The following RPS6KA5 variants were observed in gnomAD, a reference collection of about 807,000 sequenced individuals.
RPS6KA5 encodes the protein ribosomal protein S6 kinase alpha-5.
In RPS6KA5, 27 loss-of-function variants were observed where a neutral mutation model predicts 85.5. The ratio of observed to expected loss-of-function variants is 0.32; its 90% CI spans 0.23 to 0.44. RPS6KA5 has a LOEUF of 0.44. Ranked by LOEUF, RPS6KA5 falls within the 20% of genes least tolerant of loss-of-function variation. The pLI, the probability that RPS6KA5 is intolerant of heterozygous loss-of-function variation, is 1.00. For synonymous variants in RPS6KA5, 334 were observed against 348.2 expected, an observed-to-expected ratio of 0.96 and a Z score of 0.46; for missense variants, 811 against 980.9, an observed-to-expected ratio of 0.83 and a Z score of 2.31.
chr14:91,000,702 T>C (rs770277487), intron 2 of RPS6KA5, among the ~76,000 whole-genome samples: 1 of 152,092 alleles, frequency 6.6e-6, no homozygotes, highest in African/African-American at 2.4e-5. Flanking sequence ...CTCAGGAGGC[T>C]GAGGCAGGAG....
intron 3 of RPS6KA5, among the ~76,000 whole-genome samples, chr14:90,962,617 C>T (rs571678145): frequency 4.6e-5 from 7 of 150,914 alleles, no homozygotes; most frequent in African/African-American, 1.7e-4. Context: ...GATAGGGTCT[C>T]GCTCTGTTGC....
At chr14:91,043,153 T>C (rs1314688608) in intron 1 of RPS6KA5, among the ~76,000 whole-genome samples, 1 of 152,132 alleles carries the variant, frequency 6.6e-6, no homozygotes, top group African/African-American at 2.4e-5. Context: ...CACCACAACT[T>C]TCCTAGGTTT....
rs2033026045 is a variant in RPS6KA5, at chr14:90,870,447, G to C, written c.*1627C>G. The C allele has an allele frequency of 6.6e-6, 1 of 152,000 alleles. No homozygotes were observed. The highest frequency in any genetic ancestry group is 1.5e-5 in the Non-Finnish European group (1 of 67,976). The allele number at this position is 152,000 out of a possible 1,614,324, so 9.4% of individuals were successfully genotyped here. On this transcript the variant is annotated 3_prime_UTR_variant, in exon 17 of 17. Coordinates refer to ENST00000614987, the MANE Select transcript of RPS6KA5 (RefSeq NM_004755.4). ...ACCACTGTGGACAAAATGTGAACAG[G>C]ATAATATAATATTTTGAAAATATTT... is the stretch of plus-strand genomic sequence containing the variant.
chr14:91,014,370 C>T (rs892858624), intron 1 of RPS6KA5, among the ~76,000 whole-genome samples: 1 of 151,578 alleles, frequency 6.6e-6, no homozygotes, highest in Non-Finnish European at 1.5e-5. Flanking sequence ...GGCATGGTGG[C>T]GTGCACCTGT....
In RPS6KA5 at chr14:90,872,047, T is replaced by A. The variant is rs374026125; in HGVS notation, c.*27A>T. ...ATATGCTGAGGGAATAAAGGTGCAA[T>A]GGATCACTGATACACTCCTACCATG... On this transcript the variant is annotated 3_prime_UTR_variant, in exon 17 of 17. Coordinates refer to ENST00000614987, the MANE Select transcript of RPS6KA5 (RefSeq NM_004755.4). 6.3e-7 allele frequency: 1 copy of A among 1,592,814 alleles called. No homozygotes were observed. Among genetic ancestry groups the A allele is most frequent in the Non-Finnish European group, 8.5e-7 (1 of 1,171,562 alleles).
chr14:90,976,611 A>G (rs2039581653), intron 3 of RPS6KA5, among the ~76,000 whole-genome samples: 1 of 152,182 alleles, frequency 6.6e-6, no homozygotes, highest in Non-Finnish European at 1.5e-5. Flanking sequence ...CTTGTTGTTC[A>G]TGTGGGTAGA....
intron 5 of RPS6KA5, among the ~76,000 whole-genome samples, chr14:90,939,529 G>A (rs2037458280): frequency 6.6e-6 from 1 of 152,190 alleles, no homozygotes; most frequent in Non-Finnish European, 1.5e-5. Context: ...GAGGTTTAAT[G>A]GACTTACAGT....
At chr14:91,039,180 G>C (rs998995570) in intron 1 of RPS6KA5, among the ~76,000 whole-genome samples, 4 of 152,088 alleles carry the variant, frequency 2.6e-5, no homozygotes, top group Admixed American at 2.6e-4. Flanking sequence ...TATTAACTGT[G>C]CTGTGATGCA....
At chr14:91,049,302 G>A (rs1487491814) in intron 1 of RPS6KA5, among the ~76,000 whole-genome samples, 1 of 152,174 alleles carries the variant, frequency 6.6e-6, no homozygotes, top group African/African-American at 2.4e-5. Flanking sequence ...TCTTCTCAAA[G>A]TGAGGAAAAT....
At chr14:90,919,543 T>C (rs1323756152) in intron 7 of RPS6KA5, among the ~76,000 whole-genome samples, 1 of 152,232 alleles carries the variant, frequency 6.6e-6, no homozygotes, top group African/African-American at 2.4e-5. Flanking sequence ...TTGGTCACTA[T>C]TCACTTATTT....
At chr14:90,891,999 T>C (rs2034589384) in intron 13 of RPS6KA5, among the ~76,000 whole-genome samples, 1 of 25,360 alleles carries the variant, frequency 3.9e-5, no homozygotes, top group Non-Finnish European at 7.6e-5. Context: ...ATTTTAGTTC[T>C]TTTTTTTTTT....
intron 2 of RPS6KA5, among the ~76,000 whole-genome samples, chr14:90,979,062 C>T (rs2039686940): frequency 6.6e-6 from 1 of 152,174 alleles, no homozygotes; most frequent in Non-Finnish European, 1.5e-5. Context: ...ATGAAAAGAT[C>T]CTAAACTGCA....
chr14:90,963,193 T>C (rs775136530), intron 3 of RPS6KA5, among the ~76,000 whole-genome samples: 14 of 152,300 alleles, frequency 9.2e-5, no homozygotes, highest in Middle Eastern at 3.4e-3. Flanking sequence ...CTGGGTTTTA[T>C]CTTTTGTTTT....
At position 90,870,773 on chromosome 14, in the gene RPS6KA5, A is replaced by G. The variant is rs1336511668; in HGVS notation, c.*1301T>C. The G allele has an allele frequency of 1.3e-5, 2 of 151,992 alleles. No individual in the cohort carries two copies. Among genetic ancestry groups the G allele is most frequent in the Non-Finnish European group, 2.9e-5 (2 of 67,874 alleles). 9.4% of individuals were successfully genotyped at this position (151,992 alleles called of 1,614,324 possible). A position where few individuals can be genotyped will look rare whatever the true frequency, so the allele number is the denominator to read the frequency against. ...CCTGACATTTCACATGATGGCTTTA[A>G]AAGAAAATATAACACACAAACCCTA... On this transcript the variant is annotated 3_prime_UTR_variant, in exon 17 of 17. Transcript: ENST00000614987.
At chr14:90,883,122 T>C (rs1409883158) in intron 14 of RPS6KA5, among the ~76,000 whole-genome samples, 1 of 152,164 alleles carries the variant, frequency 6.6e-6, no homozygotes, top group Non-Finnish European at 1.5e-5. Flanking sequence ...TCAGTTAGTC[T>C]TACTTGAATT....
At chr14:91,026,770 T>A (rs11849825) in intron 1 of RPS6KA5, among the ~76,000 whole-genome samples, 2 of 152,116 alleles carry the variant, frequency 1.3e-5, no homozygotes, top group Admixed American at 6.5e-5. Context: ...TTCCCTTTTC[T>A]GTACAGCCTC....
Position 90,871,653 on chromosome 14 carries a change from C to A in RPS6KA5, c.*421G>T, listed in dbSNP as rs902022747. The A allele has an allele frequency of 1.3e-5, 2 of 154,118 alleles. No individual in the cohort carries two copies. The highest frequency in any genetic ancestry group is 2.9e-5 in the Non-Finnish European group (2 of 69,398). The allele number at this position is 154,118 out of a possible 1,614,324, so 9.5% of individuals were successfully genotyped here. A position where few individuals can be genotyped will look rare whatever the true frequency, so the allele number is the denominator to read the frequency against. On this transcript the variant is annotated 3_prime_UTR_variant, in exon 17 of 17. Coordinates refer to ENST00000614987, the MANE Select transcript of RPS6KA5 (RefSeq NM_004755.4). Reference sequence around the variant, plus strand: ...CTTTTTTGAAAACAGACCCCTTTCTCTGATAAATCATTGTTTGAAGGGTGC... The same window carrying A: ...CTTTTTTGAAAACAGACCCCTTTCTATGATAAATCATTGTTTGAAGGGTGC...
intron 3 of RPS6KA5, among the ~76,000 whole-genome samples, chr14:90,967,770 T>C (rs1036047526): frequency 1.3e-5 from 2 of 152,220 alleles, no homozygotes. Flanking sequence ...ACTCTGATAC[T>C]GTGTCTCTAA....
chr14:90,962,205 C>A (rs375476846), intron 3 of RPS6KA5, among the ~76,000 whole-genome samples: 13 of 152,110 alleles, frequency 8.5e-5, no homozygotes, highest in East Asian at 5.8e-4. Context: ...CATGAAACTT[C>A]TTATTATTGT....
Sources: gnomAD v4.1 joint callset for allele counts (sites outside exome capture counted in the v4.1 genomes callset) on GRCh38, gnomAD v4.1.1 for gene constraint, MANE v1.5 for transcripts, NCBI Gene and HGNC (gene_info 2026-07-23, HGNC 2026-07-21) for gene names.